Variants in EIF4G3 observed in about 807,000 individuals in gnomAD.
The protein encoded by EIF4G3 is eukaryotic translation initiation factor 4 gamma 3.
EIF4G3 carries 34 observed loss-of-function variants against 186.4 expected under a neutral mutation model. The observed-to-expected ratio is 0.18, with a 90% CI of 0.14 to 0.24. EIF4G3 has a LOEUF of 0.24. Ranked by LOEUF, EIF4G3 falls within the 10% of genes least tolerant of loss-of-function variation. The pLI is 1.00. For synonymous variants in EIF4G3, 673 were observed against 679.5 expected (o/e 0.99, Z 0.15); for missense variants, 1,536 against 1,948.5 (o/e 0.79, Z 3.99).
Position 20,895,434 on chromosome 1 carries a change from C to T in EIF4G3, c.2067G>A (p.Gln689=). 6.2e-7 allele frequency: 1 copy of T among 1,614,034 alleles called. No individual in the cohort carries two copies. Among genetic ancestry groups the T allele is most frequent in the Non-Finnish European group, 8.5e-7 (1 of 1,179,956 alleles). The change falls in exon 17 of 37, where the codon CAG becomes CAA. Residue 689 remains glutamine (Q), a synonymous_variant. Transcript: ENST00000602326. The stretch of plus-strand genomic sequence containing the variant: ...GTTTTTGTATACAGGCAGGCATGAA[C>T]TGGAAGTCCAGCAGAAACTCCCTGT... ...QYDREFLLDF[Q]FMPACIQKPE...
At chr1:20,896,104 C>T (rs1008104915) in intron 16 of EIF4G3, among the ~76,000 whole-genome samples, 3 of 151,776 alleles carry the variant, frequency 2.0e-5, no homozygotes, top group East Asian at 1.9e-4. Context: ...AAGAAAAATC[C>T]TTAACAAGTA....
chr1:21,059,921 G>A (rs1450955512), intron 3 of EIF4G3, among the ~76,000 whole-genome samples: 1 of 152,210 alleles, frequency 6.6e-6, no homozygotes, highest in Non-Finnish European at 1.5e-5. Context: ...GTTAACGAAA[G>A]TGGACCCTAT....
At position 20,873,302 on chromosome 1, in the gene EIF4G3, A is replaced by G. The variant is rs1308407342; in HGVS notation, c.2622+6021T>C. On this transcript the variant is annotated intron_variant, in intron 20 of 36. Coordinates refer to ENST00000602326, the MANE Select transcript of EIF4G3 (RefSeq NM_001391906.1). ...GCATTTTTTCATTTTTCTTTCCTGT[A>G]TAAAAAATGCTACAACATTTTTGTA... Among the ~76,000 whole-genome samples, 3 of 152,230 alleles carry G rather than the reference A, an allele frequency of 2.0e-5. No homozygotes were observed. In the East Asian group the frequency reaches 5.8e-4, roughly 29 times the overall value.
intron 2 of EIF4G3, among the ~76,000 whole-genome samples, chr1:21,157,912 T>C (rs944170460): frequency 6.6e-6 from 1 of 152,196 alleles, no homozygotes; most frequent in Non-Finnish European, 1.5e-5. Context: ...AGCTACCTCA[T>C]TAACGTGATT....
At chr1:20,887,219 A>AT (rs11304302) in intron 18 of EIF4G3, among the ~76,000 whole-genome samples, 3,284 of 148,292 alleles carry the variant, frequency 0.022, 105 homozygotes, top group African/African-American at 0.074. Flanking sequence ...CTGCCACCAG[A>AT]TTTTTTTTTT....
intron 6 of EIF4G3, among the ~76,000 whole-genome samples, chr1:20,997,841 T>C (rs922710427): frequency 1.3e-5 from 2 of 151,720 alleles, no homozygotes; most frequent in African/African-American, 4.8e-5. Flanking sequence ...ACTATCAGAA[T>C]AGTTTGTCAT....
In EIF4G3 at chr1:20,861,666, A is replaced by G. The variant is rs147071151; in HGVS notation, c.3111+562T>C. Among the ~76,000 whole-genome samples the G allele has an allele frequency of 2.0e-3, 308 of 152,382 alleles. 2 individuals carry two copies. Among genetic ancestry groups the G allele is most frequent in the African/African-American group, 6.9e-3 (287 of 41,596 alleles). On this transcript the variant is annotated intron_variant, in intron 23 of 36. Coordinates refer to ENST00000602326, the MANE Select transcript of EIF4G3 (RefSeq NM_001391906.1). ...TTACATTTGAATGGAGTTTGAATTC[A>G]GAATGGCTGATTACAAATTGCAAGT...
intron 2 of EIF4G3, among the ~76,000 whole-genome samples, chr1:21,113,470 T>C (rs956813672): frequency 1.2e-4 from 18 of 152,094 alleles, no homozygotes; most frequent in African/African-American, 3.9e-4. Flanking sequence ...TTCCTAAATA[T>C]TGGGCTTTTT....
At chr1:21,157,991 A>G (rs2097692985) in intron 2 of EIF4G3, among the ~76,000 whole-genome samples, 1 of 152,088 alleles carries the variant, frequency 6.6e-6, no homozygotes, top group African/African-American at 2.4e-5. Flanking sequence ...AATAATGAGC[A>G]GTAAGTTTCC....
chr1:20,859,662 C>T (rs1311938916), intron 24 of EIF4G3, among the ~76,000 whole-genome samples: 3 of 152,200 alleles, frequency 2.0e-5, no homozygotes, highest in Admixed American at 1.3e-4. Context: ...TGCAGTGGCG[C>T]GATCGCGGCT....
At chr1:20,845,610 C>T (rs879513806) in intron 29 of EIF4G3, among the ~76,000 whole-genome samples, 3 of 151,750 alleles carry the variant, frequency 2.0e-5, no homozygotes, top group African/African-American at 7.3e-5. Flanking sequence ...TGCAGTGAGC[C>T]GAGATCGCGC....
intron 2 of EIF4G3, among the ~76,000 whole-genome samples, chr1:21,160,200 A>G (rs1409578634): frequency 6.6e-6 from 1 of 152,210 alleles, no homozygotes; most frequent in Non-Finnish European, 1.5e-5. Context: ...AATCTGAGTA[A>G]GAAAACAAAC....
intron 17 of EIF4G3, 75 bp from the exon 18 acceptor site, chr1:20,893,711 T>A: frequency 7.0e-7 from 1 of 1,423,316 alleles, no homozygotes; most frequent in Admixed American, 2.3e-5. Context: ...CAAAAATTTT[T>A]ACTGAAAAGT....
chr1:20,860,717 G>A (rs1033746194), intron 23 of EIF4G3, among the ~76,000 whole-genome samples, 200 bp from the exon 24 acceptor site: 13 of 152,084 alleles, frequency 8.5e-5, no homozygotes, highest in African/African-American at 2.9e-4. Flanking sequence ...AGTCAAAACT[G>A]GCCAATTGTA....
At position 20,839,302 on chromosome 1, in the gene EIF4G3, G is replaced by A. The variant is rs568883731; in HGVS notation, c.4061+1554C>T. 2.0e-4 allele frequency among the ~76,000 whole-genome samples: 30 copies of A among 151,908 alleles called. No homozygotes were observed. In the South Asian group the frequency reaches 5.2e-3, roughly 26 times the overall value. Reference sequence around the variant, plus strand: ...TAATTTTCATATTTTTAGTAGAGACGGGGTTTCACCACGTTGTTCAGGCTG... The same window carrying A: ...TAATTTTCATATTTTTAGTAGAGACAGGGTTTCACCACGTTGTTCAGGCTG... On this transcript the variant is annotated intron_variant, in intron 30 of 36. Transcript: ENST00000602326.
chr1:20,999,372 A>G (rs1286593726), intron 6 of EIF4G3: 1 of 391,052 alleles, frequency 2.6e-6, no homozygotes. Context: ...GGACAAGAAC[A>G]GGCAATACCA....
intron 2 of EIF4G3, among the ~76,000 whole-genome samples, chr1:21,098,410 G>C (rs2096431184): frequency 6.6e-6 from 1 of 151,670 alleles, no homozygotes; most frequent in Non-Finnish European, 1.5e-5. Flanking sequence ...AGGCATGTTA[G>C]AGCCTGTAAT....
intron 32 of EIF4G3, among the ~76,000 whole-genome samples, chr1:20,827,298 G>A (rs1439569912): frequency 6.6e-6 from 1 of 152,170 alleles, no homozygotes; most frequent in Non-Finnish European, 1.5e-5. Flanking sequence ...CAGCTCTATG[G>A]AGCTTTTCGT....
intron 26 of EIF4G3, among the ~76,000 whole-genome samples, chr1:20,854,224 C>T (rs968424510): frequency 2.0e-5 from 3 of 151,922 alleles, no homozygotes; most frequent in Non-Finnish European, 4.4e-5. Context: ...ATCTGATTTT[C>T]GAAAAAGATT....
Sources: allele counts gnomAD v4.1 joint callset (sites outside exome capture counted in the v4.1 genomes callset), GRCh38; gene constraint gnomAD v4.1.1; transcripts MANE v1.5; gene names NCBI Gene and HGNC (gene_info 2026-07-23, HGNC 2026-07-21).